EFCAB6: variants seen among roughly 807,000 people sequenced by gnomAD.
EFCAB6 encodes EF-hand calcium-binding domain-containing protein 6.
Under a neutral mutation model 169.8 loss-of-function variants are expected in EFCAB6, and 156 were observed. That is an observed-to-expected ratio of 0.92 (90% confidence interval 0.81 to 1.05). The LOEUF is 1.05. Among genes scored for constraint, EFCAB6 ranks in the 50% least tolerant of loss-of-function variants. The probability of loss-of-function intolerance (pLI) is 0.00; values close to 1 mark genes in which losing one functional copy is unlikely to be tolerated. For synonymous variants in EFCAB6, 698 were observed against 676.4 expected, an observed-to-expected ratio of 1.03 and a Z score of -0.50; for missense variants, 1,800 against 1,829.1, an observed-to-expected ratio of 0.98 and a Z score of 0.29.
intron 6 of EFCAB6, among the ~76,000 whole-genome samples, chr22:43,747,844 TAG>T (rs751424960): frequency 2.6e-5 from 4 of 152,196 alleles, no homozygotes; most frequent in Non-Finnish European, 5.9e-5. Flanking sequence ...TACAAAGTCT[TAG>T]AGAGTTTACT....
intron 17 of EFCAB6, among the ~76,000 whole-genome samples, chr22:43,644,834 G>T (rs531112632): frequency 6.6e-6 from 1 of 152,332 alleles, no homozygotes; most frequent in African/African-American, 2.4e-5. Context: ...TTCAAAAACT[G>T]AGACTGAGTA....
chr22:43,720,731 G>C (rs1180080733), intron 8 of EFCAB6, among the ~76,000 whole-genome samples: 1 of 151,558 alleles, frequency 6.6e-6, no homozygotes, highest in East Asian at 1.9e-4. Flanking sequence ...GAGAAGAGAG[G>C]GGGAAAAAAG....
intron 10 of EFCAB6, among the ~76,000 whole-genome samples, chr22:43,710,044 C>A (rs1289271604): frequency 6.6e-6 from 1 of 152,310 alleles, no homozygotes; most frequent in Middle Eastern, 3.4e-3. Context: ...TATCAATTAC[C>A]CACAGTTTGA....
At position 43,635,172 on chromosome 22, in the gene EFCAB6, G is replaced by A. The variant is rs758433213; in HGVS notation, c.2028C>T (p.Ala676=). The A allele has an allele frequency of 8.7e-5, 140 of 1,613,962 alleles. No individual in the cohort carries two copies. The highest frequency in any genetic ancestry group is 1.1e-4 in the Non-Finnish European group (133 of 1,180,028). The stretch of plus-strand genomic sequence containing the variant: ...CGAAGCCTATTTTAGTGGTCAGCAG[G>A]GCATACTGATCATCGTCCATGGGCA... The part of the protein sequence containing the change: ...TGMPMDDDQY[A]LLTTKIGFEK... The change falls in exon 18 of 32, where the codon GCC becomes GCT. Residue 676 remains alanine, a synonymous_variant. Coordinates refer to ENST00000262726, the MANE Select transcript of EFCAB6 (RefSeq NM_022785.4).
At chr22:43,736,643 C>G (rs559106841) in intron 6 of EFCAB6, among the ~76,000 whole-genome samples, 1 of 152,094 alleles carries the variant, frequency 6.6e-6, no homozygotes, top group African/African-American at 2.4e-5. Context: ...GGCTCACAGA[C>G]GCACACAATG....
chr22:43,536,005 C>G (rs1009924296), intron 29 of EFCAB6: 1 of 152,180 alleles, frequency 6.6e-6, no homozygotes, highest in Non-Finnish European at 1.5e-5. Context: ...TACAGAATGA[C>G]TTTTGGAAAG....
At chr22:43,627,091 T>C (rs1221837953) in intron 19 of EFCAB6, among the ~76,000 whole-genome samples, 1 of 152,184 alleles carries the variant, frequency 6.6e-6, no homozygotes. Flanking sequence ...GCCAAACAAA[T>C]ACTGCACTGA....
chr22:43,757,013 G>A (rs1389288398), intron 5 of EFCAB6, among the ~76,000 whole-genome samples: 1 of 152,168 alleles, frequency 6.6e-6, no homozygotes, highest in African/African-American at 2.4e-5. Context: ...CCAGGCTCGT[G>A]AGTCTGTGGG....
intron 26 of EFCAB6, among the ~76,000 whole-genome samples, chr22:43,563,857 G>A (rs2049243370): frequency 6.6e-6 from 1 of 152,226 alleles, no homozygotes; most frequent in South Asian, 2.1e-4. Flanking sequence ...AGCCAGGTCT[G>A]AGACTTGGTC....
At chr22:43,737,927 C>T (rs866392794) in intron 6 of EFCAB6, among the ~76,000 whole-genome samples, 1 of 151,372 alleles carries the variant, frequency 6.6e-6, no homozygotes, top group Non-Finnish European at 1.5e-5. Context: ...CATGCATATA[C>T]TCACACACAC....
At chr22:43,713,953 G>T (rs2059245906) in intron 9 of EFCAB6, among the ~76,000 whole-genome samples, 1 of 151,976 alleles carries the variant, frequency 6.6e-6, no homozygotes, top group Admixed American at 6.6e-5. Context: ...GAAGAAGACA[G>T]AATATAAAAG....
chr22:43,641,859 G>A (rs2055828013), intron 17 of EFCAB6, among the ~76,000 whole-genome samples: 2 of 152,186 alleles, frequency 1.3e-5, no homozygotes, highest in Non-Finnish European at 2.9e-5. Context: ...GTTAAGGGGA[G>A]CCAAGGGAGA....
At chr22:43,576,188 T>G in intron 26 of EFCAB6, 109 bp downstream of exon 26, 10 of 875,922 alleles carry the variant, frequency 1.1e-5, no homozygotes, top group East Asian at 3.0e-5. Context: ...GCTAATTACA[T>G]GAGGTGATTG....
chr22:43,656,821 T>C (rs2056769362), intron 17 of EFCAB6, among the ~76,000 whole-genome samples: 1 of 152,150 alleles, frequency 6.6e-6, no homozygotes, highest in African/African-American at 2.4e-5. Context: ...TAGGAGGCTA[T>C]AGCACCTAGG....
chr22:43,687,682 C>A, intron 10 of EFCAB6, 101 bp from the exon 11 acceptor site: 1 of 590,118 alleles, frequency 1.7e-6, no homozygotes, highest in Non-Finnish European at 2.9e-6. Context: ...GGCAGCAATG[C>A]ATTTATATGA....
intron 13 of EFCAB6, among the ~76,000 whole-genome samples, chr22:43,674,951 T>C (rs906493886): frequency 4.0e-5 from 6 of 151,852 alleles, no homozygotes; most frequent in African/African-American, 1.2e-4. Context: ...GGCAGTAAAC[T>C]GAGTCAAGGC....
At chr22:43,683,905 T>G in intron 11 of EFCAB6, 50 bp from the exon 12 acceptor site, 1 of 1,442,750 alleles carries the variant, frequency 6.9e-7, no homozygotes, top group Non-Finnish European at 9.7e-7. Flanking sequence ...TTCTTGAACT[T>G]TGTTCTTTTC....
chr22:43,634,057 G>A (rs753589112), intron 18 of EFCAB6, among the ~76,000 whole-genome samples: 9 of 152,134 alleles, frequency 5.9e-5, no homozygotes, highest in Non-Finnish European at 1.3e-4. Context: ...CCAGGAAGCC[G>A]GGAGCAGGTG....
chr22:43,739,075 A>G (rs1276102131), intron 6 of EFCAB6, among the ~76,000 whole-genome samples: 1 of 152,150 alleles, frequency 6.6e-6, no homozygotes, highest in Non-Finnish European at 1.5e-5. Context: ...CTCTTCCTCC[A>G]GTCACCCATT....
Sources: gnomAD v4.1 joint callset for allele counts (sites outside exome capture counted in the v4.1 genomes callset) on GRCh38, gnomAD v4.1.1 for gene constraint, MANE v1.5 for transcripts, NCBI Gene and HGNC (gene_info 2026-07-23, HGNC 2026-07-21) for gene names.